ADAM23: variants seen among roughly 807,000 people sequenced by gnomAD.
ADAM23 encodes the protein ADAM metallopeptidase domain 23, also known as disintegrin and metalloproteinase domain-containing protein 23.
In ADAM23, 33 loss-of-function variants were observed where a neutral mutation model predicts 120.1. The observed-to-expected ratio is 0.27, with a 90% confidence interval of 0.21 to 0.37. The LOEUF (loss-of-function observed/expected upper bound fraction) is 0.37. Ranked by LOEUF, ADAM23 falls within the 10% of genes least tolerant of loss-of-function variation. ADAM23 has a pLI of 1.00. For synonymous variants in ADAM23, 367 were observed against 375.2 expected, an observed-to-expected ratio of 0.98 and a Z score of 0.25; for missense variants, 862 against 1,058.2, an observed-to-expected ratio of 0.81 and a Z score of 2.57.
chr2:206,542,803 G>C (rs1357439447), intron 5 of ADAM23, among the ~76,000 whole-genome samples: 1 of 152,150 alleles, frequency 6.6e-6, no homozygotes, highest in Non-Finnish European at 1.5e-5. Flanking sequence ...ACCACTGTTT[G>C]CTTCTTCAGA....
At chr2:206,561,507 T>C (rs1203953779) in intron 12 of ADAM23, among the ~76,000 whole-genome samples, 3 of 152,182 alleles carry the variant, frequency 2.0e-5, no homozygotes, top group Admixed American at 6.5e-5. Context: ...TTAATCCTTC[T>C]CTGACTTTTT....
intron 13 of ADAM23, among the ~76,000 whole-genome samples, chr2:206,562,925 G>A (rs894492219): frequency 5.9e-5 from 9 of 152,058 alleles, no homozygotes; most frequent in Middle Eastern, 3.2e-3. Flanking sequence ...TCATTTTTTC[G>A]TTAATCAGAT....
intron 13 of ADAM23, among the ~76,000 whole-genome samples, chr2:206,562,955 A>C (rs1697798975): frequency 6.6e-6 from 1 of 152,204 alleles, no homozygotes; most frequent in African/African-American, 2.4e-5. Flanking sequence ...ATAGGAAGAC[A>C]GGGCTGATTT....
intron 3 of ADAM23, among the ~76,000 whole-genome samples, chr2:206,505,950 TAGAG>T (rs908442686): frequency 2.0e-5 from 3 of 152,168 alleles, no homozygotes; most frequent in South Asian, 2.1e-4. Context: ...TCCTTTTCCT[TAGAG>T]AGAGAATGTG....
intron 2 of ADAM23, among the ~76,000 whole-genome samples, chr2:206,470,220 TAGATATA>T (rs1695625841): frequency 2.0e-5 from 3 of 152,084 alleles, no homozygotes; most frequent in Non-Finnish European, 4.4e-5. Flanking sequence ...TCTGAGGAAA[TAGATATA>T]TTCCTCAGAT....
intron 2 of ADAM23, among the ~76,000 whole-genome samples, chr2:206,467,773 A>G (rs1008859506): frequency 9.2e-5 from 14 of 152,200 alleles, no homozygotes; most frequent in Non-Finnish European, 1.9e-4. Context: ...GAGGTTCTCC[A>G]TGAGGGCTCC....
At position 206,583,084 on chromosome 2, in the gene ADAM23, T is replaced by G. The variant is rs139167930; in HGVS notation, c.1738-4241T>G. Among the ~76,000 whole-genome samples, 1,028 of 152,326 alleles carry G rather than the reference T, an allele frequency of 6.7e-3. 18 individuals are homozygous for G. The highest frequency in any genetic ancestry group is 0.024 in the African/African-American group (988 of 41,558). On this transcript the variant is annotated intron_variant, in intron 18 of 25. Transcript: ENST00000264377. Reference sequence around the variant, plus strand: ...GGTGTTCTTTGTGCTTCCTGTATTTTCATGTCTAGGTCTCTCACAAGGCCA... The same window carrying G: ...GGTGTTCTTTGTGCTTCCTGTATTTGCATGTCTAGGTCTCTCACAAGGCCA...
chr2:206,583,676 A>G (rs914397054), intron 18 of ADAM23, among the ~76,000 whole-genome samples: 1 of 151,850 alleles, frequency 6.6e-6, no homozygotes, highest in Non-Finnish European at 1.5e-5. Context: ...AGAGCATTTC[A>G]CATTCTAAAA....
At chr2:206,584,352 T>C (rs1282417134) in intron 18 of ADAM23, among the ~76,000 whole-genome samples, 1 of 152,222 alleles carries the variant, frequency 6.6e-6, no homozygotes, top group Non-Finnish European at 1.5e-5. Flanking sequence ...CACAAGGTCG[T>C]GCTTTCCAGA....
chr2:206,464,968 C>G (rs181574454), intron 2 of ADAM23, among the ~76,000 whole-genome samples: 1 of 152,190 alleles, frequency 6.6e-6, no homozygotes, highest in Admixed American at 6.5e-5. Context: ...TCACTCAGCA[C>G]TGTTTCCTAC....
intron 3 of ADAM23, among the ~76,000 whole-genome samples, chr2:206,490,945 A>G (rs1269673593): frequency 6.6e-6 from 1 of 152,208 alleles, no homozygotes; most frequent in Non-Finnish European, 1.5e-5. Context: ...AAATTTTAGT[A>G]GATTCTGGTT....
rs1346301246 is a variant in ADAM23 at position 206,600,073 on chromosome 2, G to A, written c.2359+3911G>A. ...AAAAATTAGTTGGGCGTGGTGGCAGGCACCTGTAGTCCCAGCTACTCGGGA... is the reference window on the plus strand; with the variant it reads ...AAAAATTAGTTGGGCGTGGTGGCAGACACCTGTAGTCCCAGCTACTCGGGA... On this transcript the variant is annotated intron_variant, in intron 24 of 25. Transcript: ENST00000264377. 1.3e-5 allele frequency among the ~76,000 whole-genome samples: 2 copies of A among 152,166 alleles called. 1 individual carries two copies. The highest frequency in any genetic ancestry group is 4.8e-5 in the African/African-American group (2 of 41,450).
intron 3 of ADAM23, among the ~76,000 whole-genome samples, chr2:206,493,529 C>T (rs938907307): frequency 3.3e-5 from 5 of 152,176 alleles, no homozygotes; most frequent in South Asian, 2.1e-4. Flanking sequence ...TCCGCCACCA[C>T]GCCCAGCTAA....
rs190326106 is a variant in ADAM23, at chr2:206,450,920, T to G, written c.432+5396T>G. The stretch of plus-strand genomic sequence containing the variant: ...ACGAAGAAGACTAACACTTTGTCCC[T>G]ACCTTTGCTCACTGGTGGAGTGTCA... On this transcript the variant is annotated intron_variant, in intron 2 of 25. Transcript: ENST00000264377. Among the ~76,000 whole-genome samples the G allele has an allele frequency of 1.6e-3, 250 of 152,342 alleles. 3 individuals are homozygous for G. Among genetic ancestry groups the G allele is most frequent in the African/African-American group, 5.7e-3 (237 of 41,592 alleles).
intron 3 of ADAM23, among the ~76,000 whole-genome samples, chr2:206,492,486 C>G (rs1696155462): frequency 6.6e-6 from 1 of 152,134 alleles, no homozygotes; most frequent in Non-Finnish European, 1.5e-5. Context: ...TAACAAAATG[C>G]CATGGACTGG....
At chr2:206,581,616 A>C (rs1228714739) in intron 18 of ADAM23, among the ~76,000 whole-genome samples, 1 of 152,126 alleles carries the variant, frequency 6.6e-6, no homozygotes, top group Non-Finnish European at 1.5e-5. Context: ...TCTTAAATTT[A>C]TTGAGGCTTG....
chr2:206,479,741 T>C (rs1444906863), intron 2 of ADAM23, among the ~76,000 whole-genome samples: 1 of 152,136 alleles, frequency 6.6e-6, no homozygotes, highest in East Asian at 1.9e-4. Context: ...CCCACAAGTA[T>C]GGTGACCCTG....
chr2:206,448,605 G>C (rs1455197920), intron 2 of ADAM23, among the ~76,000 whole-genome samples: 1 of 152,076 alleles, frequency 6.6e-6, no homozygotes, highest in Non-Finnish European at 1.5e-5. Flanking sequence ...AGAGGTTTGG[G>C]ATTTGCACCC....
chr2:206,474,734 C>T (rs1695740232), intron 2 of ADAM23, among the ~76,000 whole-genome samples: 1 of 152,024 alleles, frequency 6.6e-6, no homozygotes, highest in African/African-American at 2.4e-5. Context: ...ACCACCATGC[C>T]TGGCTAATTT....
Sources: gnomAD v4.1 joint callset for allele counts (sites outside exome capture counted in the v4.1 genomes callset) on GRCh38, gnomAD v4.1.1 for gene constraint, MANE v1.5 for transcripts, NCBI Gene and HGNC (gene_info 2026-07-23, HGNC 2026-07-21) for gene names.